The following RABL3 variants were observed in gnomAD, a reference collection of about 807,000 sequenced individuals.
RABL3 encodes RAB, member of RAS oncogene family like 3.
Under a neutral mutation model 31.8 loss-of-function variants are expected in RABL3, and 31 were observed. That is an observed-to-expected ratio of 0.97 (90% CI 0.73 to 1.31). The LOEUF (loss-of-function observed/expected upper bound fraction) is 1.31. Among genes scored for constraint, RABL3 ranks in the 40% most tolerant of loss-of-function variants. The pLI is 0.00. For synonymous variants in RABL3, 97 were observed against 99.9 expected (o/e 0.97, Z 0.18); for missense variants, 263 against 279.6 (o/e 0.94, Z 0.42).
intron 6 of RABL3, among the ~76,000 whole-genome samples, chr3:120,691,571 G>T (rs896710933): frequency 1.3e-5 from 2 of 152,186 alleles, no homozygotes; most frequent in Admixed American, 1.3e-4. Context: ...AGGAAGGCTA[G>T]GCTAAGCTGC....
chr3:120,739,364 A>C (rs1252280476), intron 1 of RABL3, among the ~76,000 whole-genome samples: 1 of 151,432 alleles, frequency 6.6e-6, no homozygotes, highest in African/African-American at 2.4e-5. Context: ...GTGACAGAGC[A>C]ACAATCCGTC....
At position 120,705,302 on chromosome 3, in the gene RABL3, A is replaced by C. The variant is rs188371733; in HGVS notation, c.383+698T>G. Among the ~76,000 whole-genome samples the C allele has an allele frequency of 6.2e-4, 95 of 152,342 alleles. 1 individual carries two copies. The highest frequency in any genetic ancestry group is 4.4e-3 in the Admixed American group (67 of 15,302). On this transcript the variant is annotated intron_variant, in intron 4 of 7. Coordinates refer to ENST00000273375, the MANE Select transcript of RABL3 (RefSeq NM_173825.5). ...AACCAAAATTTTTGTCAATATAGACAAGCTGATTCTAAAAATTCATGTGGA... is the reference window on the plus strand; with the variant it reads ...AACCAAAATTTTTGTCAATATAGACCAGCTGATTCTAAAAATTCATGTGGA...
At chr3:120,737,762 G>A (rs771232937) in intron 1 of RABL3, among the ~76,000 whole-genome samples, 39 of 152,342 alleles carry the variant, frequency 2.6e-4, no homozygotes, top group Non-Finnish European at 2.9e-5. Flanking sequence ...TCAGCTGCAG[G>A]TCTGTTGGAT....
intron 2 of RABL3, among the ~76,000 whole-genome samples, chr3:120,729,140 GA>G (rs1001012417): frequency 6.6e-6 from 1 of 152,144 alleles, no homozygotes; most frequent in African/African-American, 2.4e-5. Flanking sequence ...TAGGCTCAGG[GA>G]AACGGCAAAA....
intron 6 of RABL3, among the ~76,000 whole-genome samples, chr3:120,691,303 A>G (rs1420881321): frequency 1.3e-5 from 2 of 152,206 alleles, no homozygotes; most frequent in African/African-American, 2.4e-5. Flanking sequence ...AGAAACTGCA[A>G]TGGTTACAGA....
At chr3:120,740,093 T>C (rs1034520057) in intron 1 of RABL3, among the ~76,000 whole-genome samples, 2 of 152,154 alleles carry the variant, frequency 1.3e-5, no homozygotes, top group Admixed American at 6.6e-5. Flanking sequence ...AAAGGCCCAA[T>C]ATAAATAAAT....
chr3:120,728,729 T>C (rs1708850463), intron 2 of RABL3, among the ~76,000 whole-genome samples: 1 of 150,716 alleles, frequency 6.6e-6, no homozygotes. Flanking sequence ...GAAAAAAAAA[T>C]GACACAAAAT....
chr3:120,721,638 C>T (rs908748862), intron 2 of RABL3, among the ~76,000 whole-genome samples: 2 of 152,164 alleles, frequency 1.3e-5, no homozygotes, highest in East Asian at 1.9e-4. Flanking sequence ...CTATCCTAAA[C>T]ATATATGCAC....
intron 3 of RABL3, among the ~76,000 whole-genome samples, chr3:120,708,736 T>C (rs1017025833): frequency 2.0e-5 from 3 of 151,938 alleles, no homozygotes; most frequent in Admixed American, 6.6e-5. Flanking sequence ...ATCAAGGTCA[T>C]CTTATAACTA....
At chr3:120,741,362 G>A (rs922840158) in intron 1 of RABL3, among the ~76,000 whole-genome samples, 1 of 152,166 alleles carries the variant, frequency 6.6e-6, no homozygotes, top group African/African-American at 2.4e-5. Context: ...ATAATCCTCA[G>A]GGCAATGTGA....
In RABL3 at chr3:120,727,275, G is replaced by A. The variant is rs573729312; in HGVS notation, c.138+3421C>T. Among the ~76,000 whole-genome samples the A allele has an allele frequency of 1.5e-4, 23 of 152,086 alleles. No individual in the cohort carries two copies. The South Asian group carries it at 4.8e-3, about 32-fold the overall frequency. ...GACTGATCAAGAAAGTAAGAGAAAA[G>A]CCACAAATCATTCTACCAGAAATGA... On this transcript the variant is annotated intron_variant, in intron 2 of 7. Coordinates refer to ENST00000273375, the MANE Select transcript of RABL3 (RefSeq NM_173825.5).
Position 120,685,728 on chromosome 3 carries a change from G to T in RABL3, c.*4095C>A, listed in dbSNP as rs1708300651. ...ATTCTGCTATAATGGCACTCATAAA[G>T]TACAGAGTTCACAATCTATATTCCC... is the stretch of plus-strand genomic sequence containing the variant. On this transcript the variant is annotated 3_prime_UTR_variant, in exon 8 of 8. Transcript: ENST00000273375. Among the ~76,000 whole-genome samples the T allele has an allele frequency of 6.6e-6, 1 of 152,162 alleles. No individual in the cohort carries two copies. Among genetic ancestry groups the T allele is most frequent in the African/African-American group, 2.4e-5 (1 of 41,436 alleles).
chr3:120,687,222 C>T lies in RABL3; in HGVS notation c.*2601G>A, dbSNP rs763829656. ...ATGAGTCAGAAAATTGGTCAGACAC[C>T]GAAATCACAACAGAAAAAAAAAATC... On this transcript the variant is annotated 3_prime_UTR_variant, in exon 8 of 8. Transcript: ENST00000273375. The T allele has an allele frequency of 3.3e-5, 5 of 151,770 alleles. No homozygotes were observed. The highest frequency in any genetic ancestry group is 4.2e-4 in the South Asian group (2 of 4,808). The allele number at this position is 151,770 out of a possible 1,614,324, so 9.4% of individuals were successfully genotyped here.
intron 5 of RABL3, 60 bp downstream of exon 5, chr3:120,698,363 T>C (rs549860401): frequency 1.3e-5 from 18 of 1,427,494 alleles, no homozygotes; most frequent in East Asian, 9.1e-5. Flanking sequence ...TATTTGAATA[T>C]GTCTTCAGTT....
Position 120,694,157 on chromosome 3 carries a change from T to C in RABL3, c.602A>G (p.Asp201Gly). The C allele has an allele frequency of 1.2e-6, 2 of 1,600,464 alleles. No homozygotes were observed. ...TAACTTAATTGAAACCATTACCTTA[T>C]CAAAAAACCTACTGAGCTTGACAGC... Reference protein sequence around the residue: ...SNAVKLSRFFDKVIEKRYFLR... With the variant: ...SNAVKLSRFFGKVIEKRYFLR... Residue 201 changes from aspartate (D) to glycine (G), a missense_variant, in exon 6 of 8, where the codon GAT becomes GGT. Transcript: ENST00000273375.
chr3:120,685,067 G>A lies in RABL3; in HGVS notation c.*4756C>T, dbSNP rs1486762119. 2.0e-5 allele frequency among the ~76,000 whole-genome samples: 3 copies of A among 152,222 alleles called. No individual in the cohort carries two copies. On this transcript the variant is annotated 3_prime_UTR_variant, in exon 8 of 8. Transcript: ENST00000273375. ...CAGGAAAGAGCCCAGGGATCTAGGG[G>A]AAGCACTAGTGGGCACGTAGCCCAG... is the stretch of plus-strand genomic sequence containing the variant.
chr3:120,729,005 A>G (rs1407244552), intron 2 of RABL3, among the ~76,000 whole-genome samples: 1 of 152,138 alleles, frequency 6.6e-6, no homozygotes, highest in Non-Finnish European at 1.5e-5. Context: ...TCCAGCATTC[A>G]AGGCAAAAGT....
chr3:120,689,596 C>T lies in RABL3; in HGVS notation c.*227G>A, dbSNP rs1708355104. On this transcript the variant is annotated 3_prime_UTR_variant, in exon 8 of 8. Transcript: ENST00000273375. The stretch of plus-strand genomic sequence containing the variant: ...ATCTCATATTTACACAAGGCTTTTA[C>T]ATAATCTATACACAGGGACAGAAAG... 2 of 406,434 alleles carry T rather than the reference C, an allele frequency of 4.9e-6. No individual in the cohort carries two copies. Among genetic ancestry groups the T allele is most frequent in the Non-Finnish European group, 8.9e-6 (2 of 225,050 alleles). 25.2% of individuals were successfully genotyped at this position (406,434 alleles called of 1,614,324 possible). A position where few individuals can be genotyped will look rare whatever the true frequency, so the allele number is the denominator to read the frequency against.
At chr3:120,691,139 G>A (rs138841323) in intron 6 of RABL3, among the ~76,000 whole-genome samples, 3 of 152,170 alleles carry the variant, frequency 2.0e-5, no homozygotes, top group African/African-American at 7.2e-5. Flanking sequence ...CACCATTATT[G>A]AAAAGAAACC....
Sources: allele counts gnomAD v4.1 joint callset (sites outside exome capture counted in the v4.1 genomes callset), GRCh38; gene constraint gnomAD v4.1.1; transcripts MANE v1.5; gene names NCBI Gene and HGNC (gene_info 2026-07-23, HGNC 2026-07-21).